PPIP5K2: variants seen among roughly 807,000 people sequenced by gnomAD.
PPIP5K2 encodes inositol hexakisphosphate and diphosphoinositol-pentakisphosphate kinase 2.
In PPIP5K2, 105 loss-of-function variants were observed where a neutral mutation model predicts 154.6. The observed-to-expected ratio is 0.68, with a 90% CI of 0.58 to 0.80. The LOEUF (loss-of-function observed/expected upper bound fraction) is 0.80, where lower values mean the gene tolerates loss of function less well. Ranked by LOEUF, PPIP5K2 falls within the 30% of genes least tolerant of loss-of-function variation. The pLI is 0.00. For missense variants in PPIP5K2, 992 were observed against 1,504.6 expected (o/e 0.66, Z 5.64); for synonymous variants, 480 against 490.3 (o/e 0.98, Z 0.28).
In PPIP5K2 at chr5:103,142,984, C is replaced by T. The variant is rs1793102925; in HGVS notation, c.488-3543C>T. On this transcript the variant is annotated intron_variant, in intron 5 of 30. Transcript: ENST00000358359. ...TATAGAAACATAAAAATAGAGACAA[C>T]AAAAAGTCAAAACATGGATGGGGGG... Among the ~76,000 whole-genome samples, 4 of 151,860 alleles carry T rather than the reference C, an allele frequency of 2.6e-5. 1 individual carries two copies. Among genetic ancestry groups the T allele is most frequent in the Non-Finnish European group, 5.9e-5 (4 of 67,952 alleles).
At chr5:103,172,538 C>T (rs1424769600) in intron 19 of PPIP5K2, among the ~76,000 whole-genome samples, 5 of 151,480 alleles carry the variant, frequency 3.3e-5, no homozygotes, top group African/African-American at 1.2e-4. Context: ...TCTTCTACTG[C>T]TTTGAACTAT....
In PPIP5K2 at chr5:103,154,909, C is replaced by A. The variant is rs935410285; in HGVS notation, c.1369C>A (p.Pro457Thr). The A allele has an allele frequency of 1.2e-6, 2 of 1,604,780 alleles. No homozygotes were observed. Among genetic ancestry groups the A allele is most frequent in the African/African-American group, 2.7e-5 (2 of 74,496 alleles). The change falls in exon 13 of 31, where the codon CCA becomes ACA. Residue 457 changes from proline to threonine, a missense_variant. By Grantham distance (38) the Pro-to-Thr change is conservative. Transcript: ENST00000358359. ...TGATTCTGAAATTGAAGAAAACAAG[C>A]CAAAACTTGAACAACTTAAGACTGT... ...NNDSEIEENK[P>T]KLEQLKTVLE...
At chr5:103,198,776 C>T (rs1208987035) in intron 30 of PPIP5K2, among the ~76,000 whole-genome samples, 7 of 152,150 alleles carry the variant, frequency 4.6e-5, no homozygotes, top group Non-Finnish European at 1.0e-4. Context: ...AGTTCATTAA[C>T]ATTTAATGTA....
At position 103,195,034 on chromosome 5, in the gene PPIP5K2, T is replaced by A. The variant is rs782346287; in HGVS notation, c.3619+9T>A. The A allele has an allele frequency of 1.2e-6, 2 of 1,603,576 alleles. No homozygotes were observed. The highest frequency in any genetic ancestry group is 2.7e-5 in the African/African-American group (2 of 74,188). ...AGCAAGCAGCAAACCAGGTAAGGGGTGTGTGTGTTGAGTTTGTGGATTTGC... is the reference window on the plus strand; with the variant it reads ...AGCAAGCAGCAAACCAGGTAAGGGGAGTGTGTGTTGAGTTTGTGGATTTGC... On this transcript the variant is annotated intron_variant, in intron 30 of 30. Coordinates refer to ENST00000358359, the MANE Select transcript of PPIP5K2 (RefSeq NM_001276277.3).
intron 19 of PPIP5K2, among the ~76,000 whole-genome samples, chr5:103,169,595 A>G (rs532852979): frequency 2.4e-4 from 36 of 151,856 alleles, no homozygotes; most frequent in Admixed American, 5.3e-4. Flanking sequence ...ATATTTGATC[A>G]GATATATAAT....
At position 103,173,928 on chromosome 5, in the gene PPIP5K2, G is replaced by T; in HGVS notation, c.2485G>T (p.Val829Leu). 1 of 1,609,190 alleles carries T rather than the reference G, an allele frequency of 6.2e-7. No individual in the cohort carries two copies. Residue 829 changes from valine (V) to leucine (L), a missense_variant, in exon 21 of 31, where the codon GTA becomes TTA. Physicochemically the swap from Val to Leu is conservative, Grantham distance 32 (BLOSUM62 1). Around this residue, in one of 9 missense-constraint regions of PPIP5K2, gnomAD observed 157 missense variants for 281.2 expected, o/e 0.56. Transcript: ENST00000358359. ...ATTATATTTTACCAGTGAAAGTCAT[G>T]TACATTCTTTGCTGTCTATTCTTCG... ...TRLYFTSESH[V>L]HSLLSILRYG...
intron 19 of PPIP5K2, among the ~76,000 whole-genome samples, chr5:103,169,145 A>G (rs1554218848): frequency 1.3e-5 from 2 of 152,032 alleles, no homozygotes; most frequent in African/African-American, 4.8e-5. Flanking sequence ...CTAAAATGCA[A>G]TTAAGCAGAG....
Position 103,133,449 on chromosome 5 carries a change from T to A in PPIP5K2, c.115-4T>A. On this transcript the variant is annotated splice_region_variant and splice_polypyrimidine_tract_variant and intron_variant, in intron 2 of 30. Transcript: ENST00000358359. ...CCCGATTTTTTGTTTCATTTTTGTT[T>A]TAGCCACCAGAAAGGCAGATTGTGG... 1 of 1,598,558 alleles carries A rather than the reference T, an allele frequency of 6.3e-7. No individual in the cohort carries two copies. Among genetic ancestry groups the A allele is most frequent in the African/African-American group, 1.4e-5 (1 of 73,962 alleles).
At chr5:103,188,955 T>C in intron 28 of PPIP5K2, 1 of 397,760 alleles carries the variant, frequency 2.5e-6, no homozygotes, top group Non-Finnish European at 4.4e-6. Flanking sequence ...TAAGGTTTCC[T>C]TTTTTCCTTT....
At chr5:103,171,814 A>G (rs1321781697) in intron 19 of PPIP5K2, among the ~76,000 whole-genome samples, 1 of 151,618 alleles carries the variant, frequency 6.6e-6, no homozygotes, top group Non-Finnish European at 1.5e-5. Context: ...TGAAAACTGA[A>G]TCAGAAAAAG....
intron 30 of PPIP5K2, among the ~76,000 whole-genome samples, chr5:103,200,002 A>G (rs2149851927): frequency 6.6e-6 from 1 of 152,296 alleles, no homozygotes; most frequent in East Asian, 1.9e-4. Flanking sequence ...TTTGGATTAT[A>G]TTGTAGACAT....
intron 5 of PPIP5K2, among the ~76,000 whole-genome samples, chr5:103,142,032 C>T (rs868987204): frequency 1.3e-5 from 2 of 152,238 alleles, no homozygotes; most frequent in Non-Finnish European, 2.9e-5. Flanking sequence ...GCCGTGTGCT[C>T]GCACTCCTCA....
intron 28 of PPIP5K2, among the ~76,000 whole-genome samples, chr5:103,190,563 G>A (rs1801073088): frequency 6.6e-6 from 1 of 151,570 alleles, no homozygotes; most frequent in Admixed American, 6.6e-5. Flanking sequence ...TTTTCCCTAG[G>A]TTTTTTAAAG....
At chr5:103,143,527 A>G (rs1793208539) in intron 5 of PPIP5K2, among the ~76,000 whole-genome samples, 1 of 152,238 alleles carries the variant, frequency 6.6e-6, no homozygotes, top group African/African-American at 2.4e-5. Context: ...GGAAGGGAGG[A>G]CAAAATAATG....
At chr5:103,137,917 T>A (rs1184608370) in intron 4 of PPIP5K2, among the ~76,000 whole-genome samples, 1 of 152,136 alleles carries the variant, frequency 6.6e-6, no homozygotes, top group African/African-American at 2.4e-5. Context: ...TAATCGTCAC[T>A]GTATCTATCA....
At chr5:103,176,586 G>T (rs1798749167) in intron 21 of PPIP5K2, among the ~76,000 whole-genome samples, 1 of 151,830 alleles carries the variant, frequency 6.6e-6, no homozygotes, top group South Asian at 2.1e-4. Flanking sequence ...TTAAAACAAG[G>T]TGCATTCTGT....
At chr5:103,136,930 C>A in intron 4 of PPIP5K2, 108 bp downstream of exon 4, 1 of 763,824 alleles carries the variant, frequency 1.3e-6, no homozygotes, top group South Asian at 1.6e-5. Context: ...ATTCATTGTA[C>A]TTTCAAAATA....
rs1562532021 is a variant in PPIP5K2, at chr5:103,206,805, A to C, written c.*5171A>C. The C allele has an allele frequency of 1.3e-5, 2 of 152,252 alleles. No individual in the cohort carries two copies. Among genetic ancestry groups the C allele is most frequent in the South Asian group, 4.1e-4 (2 of 4,836 alleles). 9.4% of individuals were successfully genotyped at this position (152,252 alleles called of 1,614,324 possible). On this transcript the variant is annotated 3_prime_UTR_variant, in exon 31 of 31. Transcript: ENST00000358359. ...ACTGGACATGCGTCAATCAGACGACATGCAGTCCAGGCAGAGGAAATTGTT... is the reference window on the plus strand; with the variant it reads ...ACTGGACATGCGTCAATCAGACGACCTGCAGTCCAGGCAGAGGAAATTGTT...
chr5:103,167,583 A>T (rs1266848617), intron 18 of PPIP5K2, among the ~76,000 whole-genome samples: 1 of 151,978 alleles, frequency 6.6e-6, no homozygotes, highest in Admixed American at 6.6e-5. Context: ...GTGAGTAGAC[A>T]GGGTAATAAG....
Sources: allele counts gnomAD v4.1 joint callset (sites outside exome capture counted in the v4.1 genomes callset), GRCh38; gene constraint gnomAD v4.1.1; regional missense constraint gnomAD v4.1.1; transcripts MANE v1.5; gene names NCBI Gene and HGNC (gene_info 2026-07-23, HGNC 2026-07-21).